The following UNC5D variants were observed in gnomAD, a reference collection of about 807,000 sequenced individuals.
UNC5D encodes netrin receptor UNC5D.
A neutral mutation model predicts 105.4 loss-of-function variants in UNC5D; 39 were observed. That is an observed-to-expected ratio of 0.37 (90% confidence interval 0.29 to 0.48). The LOEUF is 0.48. Among genes scored for constraint, UNC5D ranks in the 20% least tolerant of loss-of-function variants. The pLI is 0.98. For missense variants in UNC5D, 991 were observed against 1,202.4 expected, an observed-to-expected ratio of 0.82 and a Z score of 2.60; for synonymous variants, 452 against 450.4, an observed-to-expected ratio of 1.00 and a Z score of -0.04.
intron 1 of UNC5D, among the ~76,000 whole-genome samples, chr8:35,331,145 T>C (rs12550658): frequency 0.44 from 66,157 of 151,866 alleles, 14,679 homozygotes; most frequent in East Asian, 0.7. Flanking sequence ...AAGAGGAAGA[T>C]GAGTGAGAGA....
chr8:35,785,831 C>G (rs567276365), intron 16 of UNC5D, among the ~76,000 whole-genome samples: 1 of 152,250 alleles, frequency 6.6e-6, no homozygotes, highest in South Asian at 2.1e-4. Flanking sequence ...CCCAGGGCAG[C>G]TACAGCAGGT....
intron 1 of UNC5D, among the ~76,000 whole-genome samples, chr8:35,452,381 C>T (rs918699114): frequency 7.9e-5 from 12 of 152,168 alleles, no homozygotes; most frequent in Non-Finnish European, 1.6e-4. Flanking sequence ...TCTCCTGCCT[C>T]AGCCTCCTGA....
intron 4 of UNC5D, among the ~76,000 whole-genome samples, chr8:35,626,946 C>A (rs1385362818): frequency 6.6e-6 from 1 of 151,990 alleles, no homozygotes; most frequent in Non-Finnish European, 1.5e-5. Context: ...AGCTGCTACC[C>A]CGAAGCAGAA....
At position 35,600,570 on chromosome 8, in the gene UNC5D, T is replaced by C. The variant is rs577652269; in HGVS notation, c.570+4913T>C. 8.0e-4 allele frequency among the ~76,000 whole-genome samples: 122 copies of C among 152,366 alleles called. 1 individual carries two copies. The East Asian group carries it at 0.021, about 27-fold the overall frequency. ...GCCAGTGATGATGAGCATTTTTTCGTGTGTCTTTTGGCTGCATAAATGTCT... is the reference window on the plus strand; with the variant it reads ...GCCAGTGATGATGAGCATTTTTTCGCGTGTCTTTTGGCTGCATAAATGTCT... On this transcript the variant is annotated intron_variant, in intron 4 of 16. Coordinates refer to ENST00000404895, the MANE Select transcript of UNC5D (RefSeq NM_080872.4).
intron 7 of UNC5D, among the ~76,000 whole-genome samples, chr8:35,702,473 G>A: frequency 6.6e-6 from 1 of 152,068 alleles, no homozygotes. Flanking sequence ...CCACCACCAA[G>A]AACCATGGCC....
At chr8:35,611,582 C>A (rs1044639524) in intron 4 of UNC5D, among the ~76,000 whole-genome samples, 1 of 152,190 alleles carries the variant, frequency 6.6e-6, no homozygotes, top group Non-Finnish European at 1.5e-5. Context: ...GGGTCACACA[C>A]ATTGTTTTAC....
chr8:35,668,785 T>G (rs1824591022), intron 4 of UNC5D, among the ~76,000 whole-genome samples: 1 of 152,136 alleles, frequency 6.6e-6, no homozygotes. Context: ...AAACTGATTT[T>G]AATTAACACA....
intron 1 of UNC5D, among the ~76,000 whole-genome samples, chr8:35,251,173 C>T (rs573850266): frequency 3.9e-5 from 6 of 152,192 alleles, no homozygotes; most frequent in African/African-American, 1.4e-4. Context: ...AAGAACATAC[C>T]TGGGACTGGG....
chr8:35,685,928 C>T (rs1825975724), intron 6 of UNC5D, among the ~76,000 whole-genome samples: 1 of 152,148 alleles, frequency 6.6e-6, no homozygotes, highest in Non-Finnish European at 1.5e-5. Flanking sequence ...TTGCCTCAGA[C>T]ATCTGCCATG....
intron 10 of UNC5D, among the ~76,000 whole-genome samples, chr8:35,728,095 A>AAAAAAAAAATATATATATAT (rs34672872): frequency 9.1e-6 from 1 of 110,368 alleles, no homozygotes; most frequent in African/African-American, 5.5e-5. Context: ...AAAAAAAAAA[A>AAAAAAAAAATATATATATAT]ATATATATAT....
intron 1 of UNC5D, among the ~76,000 whole-genome samples, chr8:35,319,851 A>T (rs1198249459): frequency 6.6e-6 from 1 of 151,956 alleles, no homozygotes; most frequent in Non-Finnish European, 1.5e-5. Context: ...GCCCCTTTAA[A>T]TTATTATCAG....
At chr8:35,267,525 G>A (rs1804970045) in intron 1 of UNC5D, among the ~76,000 whole-genome samples, 3 of 151,908 alleles carry the variant, frequency 2.0e-5, no homozygotes, top group South Asian at 2.1e-4. Context: ...TGCAACCTCC[G>A]CCTCCCGGAT....
At chr8:35,403,774 A>G (rs956697427) in intron 1 of UNC5D, among the ~76,000 whole-genome samples, 14 of 152,208 alleles carry the variant, frequency 9.2e-5, no homozygotes, top group African/African-American at 3.1e-4. Flanking sequence ...AATATAGAGA[A>G]TGACCAAAAG....
At position 35,554,712 on chromosome 8, in the gene UNC5D, A is replaced by G. The variant is rs7014437; in HGVS notation, c.322+5202A>G. 2.4e-3 allele frequency among the ~76,000 whole-genome samples: 363 copies of G among 152,328 alleles called. 2 individuals are homozygous for G. Among genetic ancestry groups the G allele is most frequent in the African/African-American group, 8.2e-3 (340 of 41,574 alleles). ...AACCACTTCTTTATTGTTCAATAAA[A>G]ATAGGAATTCTCTTAACAACACGCC... On this transcript the variant is annotated intron_variant, in intron 2 of 16. Coordinates refer to ENST00000404895, the MANE Select transcript of UNC5D (RefSeq NM_080872.4).
chr8:35,642,539 G>A (rs1822807400), intron 4 of UNC5D, among the ~76,000 whole-genome samples: 1 of 151,938 alleles, frequency 6.6e-6, no homozygotes, highest in Admixed American at 6.6e-5. Flanking sequence ...TTTAAGTAGG[G>A]GGTTAATTTT....
At chr8:35,262,801 CCCTT>C (rs1379572494) in intron 1 of UNC5D, among the ~76,000 whole-genome samples, 23 of 152,152 alleles carry the variant, frequency 1.5e-4, no homozygotes, top group African/African-American at 5.6e-4. Context: ...GATAAACAAT[CCCTT>C]CCTAAGTTCA....
At chr8:35,741,347 CTCTT>C (rs1020368007) in intron 11 of UNC5D, among the ~76,000 whole-genome samples, 6 of 151,582 alleles carry the variant, frequency 4.0e-5, no homozygotes, top group Non-Finnish European at 1.5e-5. Flanking sequence ...CGTATGCCAT[CTCTT>C]TCTGTGATCC....
At chr8:35,414,436 T>A (rs1805400847) in intron 1 of UNC5D, among the ~76,000 whole-genome samples, 1 of 152,124 alleles carries the variant, frequency 6.6e-6, no homozygotes, top group Non-Finnish European at 1.5e-5. Flanking sequence ...TTACAGCTGC[T>A]CTTGCCTTAT....
rs376164498 is a variant in UNC5D at position 35,327,514 on chromosome 8, G to A, written c.103+91627G>A. ...CAGGAAGACCATTTCCCAGAGCCCA[G>A]ATTTCTGTGAGTGCACAAGGTGCCT... is the stretch of plus-strand genomic sequence containing the variant. On this transcript the variant is annotated intron_variant, in intron 1 of 16. Coordinates refer to ENST00000404895, the MANE Select transcript of UNC5D (RefSeq NM_080872.4). Among the ~76,000 whole-genome samples, 6 of 152,338 alleles carry A rather than the reference G, an allele frequency of 3.9e-5. No individual in the cohort carries two copies. In the South Asian group the frequency reaches 6.2e-4, roughly 16 times the overall value.
Sources: allele counts gnomAD v4.1 joint callset (sites outside exome capture counted in the v4.1 genomes callset), GRCh38; gene constraint gnomAD v4.1.1; transcripts MANE v1.5; gene names NCBI Gene and HGNC (gene_info 2026-07-23, HGNC 2026-07-21).